EML6: variants seen among roughly 807,000 people sequenced by gnomAD.
EML6 encodes EMAP like 6.
A neutral mutation model predicts 240.1 loss-of-function variants in EML6; 154 were observed. The observed-to-expected ratio is 0.64, with a 90% CI of 0.56 to 0.73. The LOEUF (loss-of-function observed/expected upper bound fraction) is 0.73, where lower values mean the gene tolerates loss of function less well. EML6 is among the 30% of genes least tolerant of loss of function. The probability of loss-of-function intolerance (pLI) is 0.00; values close to 1 mark genes in which losing one functional copy is unlikely to be tolerated. For synonymous variants in EML6, 1,148 were observed against 899.0 expected (o/e 1.28, Z -4.95); for missense variants, 2,964 against 2,474.6 (o/e 1.20, Z -4.20).
intron 2 of EML6, among the ~76,000 whole-genome samples, chr2:54,740,333 A>C (rs1195054248): frequency 1.3e-5 from 2 of 152,168 alleles, no homozygotes; most frequent in Non-Finnish European, 2.9e-5. Context: ...CAGGGGTAGG[A>C]GGCAAACCAG....
At chr2:54,858,542 A>T (rs1422920399) in intron 11 of EML6, among the ~76,000 whole-genome samples, 1 of 152,166 alleles carries the variant, frequency 6.6e-6, no homozygotes, top group Non-Finnish European at 1.5e-5. Flanking sequence ...GTTTGACTTT[A>T]TTACGAAACT....
At chr2:54,905,763 C>T (rs1340653349) in intron 24 of EML6, among the ~76,000 whole-genome samples, 1 of 152,158 alleles carries the variant, frequency 6.6e-6, no homozygotes. Context: ...CTAGGTACCT[C>T]GTATAAGTGG....
chr2:54,729,638 A>T (rs998195407), intron 2 of EML6, among the ~76,000 whole-genome samples: 1 of 152,200 alleles, frequency 6.6e-6, no homozygotes, highest in South Asian at 2.1e-4. Flanking sequence ...GATTGGTCTG[A>T]TTCCAAAGCT....
At chr2:54,910,915 A>G (rs1281970523) in intron 24 of EML6, 39 bp from the exon 25 acceptor site, 1 of 1,047,404 alleles carries the variant, frequency 9.5e-7, no homozygotes, top group South Asian at 1.5e-5. Context: ...AGATAAAGTC[A>G]GATTTTAATT....
Position 54,928,710 on chromosome 2 carries a change from C to G in EML6, c.3963C>G (p.Thr1321=). The change falls in exon 28 of 42, where the codon ACC becomes ACG. Residue 1321 remains threonine, a synonymous_variant. Coordinates refer to ENST00000356458, the MANE Select transcript of EML6 (RefSeq NM_001039753.4). ...YAVSIREMEG[T]KPHQQLKEVS... ...TGAGCATCAGGGAAATGGAAGGCACCAAGCCACACCAGCAGCTGAAGGAAG... is the reference window on the plus strand; with the variant it reads ...TGAGCATCAGGGAAATGGAAGGCACGAAGCCACACCAGCAGCTGAAGGAAG... The G allele has an allele frequency of 2.6e-6, 4 of 1,551,588 alleles. No homozygotes were observed. The highest frequency in any genetic ancestry group is 2.6e-6 in the Non-Finnish European group (3 of 1,146,974).
chr2:54,883,271 A>G (rs548114083), intron 17 of EML6, among the ~76,000 whole-genome samples: 2 of 152,250 alleles, frequency 1.3e-5, no homozygotes, highest in East Asian at 3.9e-4. Context: ...CATATGCTCT[A>G]TAACTGGTTT....
Position 54,957,932 on chromosome 2 carries a change from G to GAA in EML6, c.4631_4632dup (p.Gly1545LysfsTer67). On this transcript the variant is annotated frameshift_variant, in exon 33 of 42. Coordinates refer to ENST00000356458, the MANE Select transcript of EML6 (RefSeq NM_001039753.4). LOFTEE classifies it high-confidence loss of function. ...TGGCAGGCAGCGCCTTGCTTTACAA[G>GAA]AAAGGGGTCATCGGGTCCCTGGGAG... The GAA allele has an allele frequency of 6.4e-7, 1 of 1,551,664 alleles. No individual in the cohort carries two copies.
At chr2:54,850,388 C>A (rs749937420) in intron 10 of EML6, 170 bp downstream of exon 10, 1 of 598,656 alleles carries the variant, frequency 1.7e-6, no homozygotes, top group Non-Finnish European at 2.9e-6. Flanking sequence ...TCGCAAGATC[C>A]TAAATAACAG....
intron 8 of EML6, 30 bp from the exon 9 acceptor site, chr2:54,847,456 G>C: frequency 6.5e-7 from 1 of 1,545,584 alleles, no homozygotes; most frequent in Non-Finnish European, 8.7e-7. Context: ...AGTTGGTTTT[G>C]TTTTGTTTTG....
intron 10 of EML6, among the ~76,000 whole-genome samples, chr2:54,853,381 C>G (rs1441845522): frequency 1.3e-5 from 2 of 152,064 alleles, no homozygotes; most frequent in African/African-American, 4.8e-5. Flanking sequence ...CTGTGACATT[C>G]ATAGAATGTG....
intron 2 of EML6, among the ~76,000 whole-genome samples, chr2:54,811,233 C>G (rs548088968): frequency 1.3e-5 from 2 of 152,146 alleles, no homozygotes; most frequent in Non-Finnish European, 2.9e-5. Flanking sequence ...AATTATGGAA[C>G]TGTTTATGCT....
In EML6 at chr2:54,866,879, A is replaced by C. The variant is rs771379576; in HGVS notation, c.2046A>C (p.Ile682=). The change falls in exon 14 of 42, where the codon ATA becomes ATC. Residue 682 remains isoleucine (I), a synonymous_variant. Transcript: ENST00000356458. ...AGGACAGCTTGAAACTCCAGTTCAT[A>C]CACGGGTGGGTGGCCTGTCATGGGC... The part of the protein sequence containing the change: ...APEDSLKLQF[I]HGYRGYDCRN... 1 of 1,546,348 alleles carries C rather than the reference A, an allele frequency of 6.5e-7. No individual in the cohort carries two copies. The highest frequency in any genetic ancestry group is 8.8e-7 in the Non-Finnish European group (1 of 1,142,252).
Position 54,879,626 on chromosome 2 carries a change from G to T in EML6, c.2424G>T (p.Lys808Asn), listed in dbSNP as rs1172992040. The T allele has an allele frequency of 1.9e-6, 3 of 1,549,872 alleles. No homozygotes were observed. The highest frequency in any genetic ancestry group is 2.0e-5 in the Admixed American group (1 of 50,990). The stretch of plus-strand genomic sequence containing the variant: ...TTTGGGACTGGAAAAAGGGAGAAAA[G>T]ATAGCCACAACAAGGTAAGAAGCTG... ...IVFWDWKKGE[K>N]IATTRGHKDK... is the part of the protein sequence containing the mutation. Residue 808 changes from lysine (K) to asparagine (N), a missense_variant, in exon 17 of 42, where the codon AAG (lysine) becomes AAT (asparagine). Transcript: ENST00000356458.
At chr2:54,901,279 C>T (rs978276232) in intron 22 of EML6, among the ~76,000 whole-genome samples, 2 of 152,230 alleles carry the variant, frequency 1.3e-5, no homozygotes, top group African/African-American at 2.4e-5. Context: ...CTGCTTAACA[C>T]TATTTCCCTC....
In EML6 at chr2:54,959,180, C is replaced by T; in HGVS notation, c.4772C>T (p.Ala1591Val). The T allele has an allele frequency of 6.4e-7, 1 of 1,551,636 alleles. No individual in the cohort carries two copies. The highest frequency in any genetic ancestry group is 8.7e-7 in the Non-Finnish European group (1 of 1,146,966). The change falls in exon 34 of 42, where the codon GCC becomes GTC. Residue 1591 changes from alanine to valine, a missense_variant. Transcript: ENST00000356458. ...GACCACTTCCTCATCCGGCTGGTGG[C>T]CAAGGCTCACACAGGCCCCGTGTTC... ...WKDHFLIRLV[A>V]KAHTGPVFTM...
intron 2 of EML6, among the ~76,000 whole-genome samples, chr2:54,811,136 C>G (rs1029291172): frequency 6.6e-6 from 1 of 152,118 alleles, no homozygotes; most frequent in Non-Finnish European, 1.5e-5. Flanking sequence ...TCTCCCTGGT[C>G]CCTAACTGAC....
intron 12 of EML6, among the ~76,000 whole-genome samples, chr2:54,862,373 T>G (rs1450575119): frequency 7.2e-6 from 1 of 138,780 alleles, no homozygotes; most frequent in African/African-American, 2.7e-5. Context: ...AAACTTTCTC[T>G]GAAGAGTACT....
intron 16 of EML6, among the ~76,000 whole-genome samples, chr2:54,873,396 A>G (rs1671354278): frequency 6.6e-6 from 1 of 152,244 alleles, no homozygotes; most frequent in Non-Finnish European, 1.5e-5. Flanking sequence ...AGAACTCCGC[A>G]TACCACCTGC....
intron 2 of EML6, among the ~76,000 whole-genome samples, chr2:54,730,739 A>G (rs1683119189): frequency 6.6e-6 from 1 of 152,240 alleles, no homozygotes; most frequent in Admixed American, 6.5e-5. Context: ...TTATTAATAA[A>G]TTATAGTCTT....
Sources: allele counts gnomAD v4.1 joint callset (sites outside exome capture counted in the v4.1 genomes callset), GRCh38; gene constraint gnomAD v4.1.1; transcripts MANE v1.5; gene names NCBI Gene and HGNC (gene_info 2026-07-23, HGNC 2026-07-21).